The following AGMO variants were observed in gnomAD, a reference collection of about 807,000 sequenced individuals.
AGMO encodes alkylglycerol monooxygenase, also known as glyceryl-ether monooxygenase.
Under a neutral mutation model 60.2 loss-of-function variants are expected in AGMO, and 75 were observed. The ratio of observed to expected loss-of-function variants is 1.25; its 90% CI spans 1.03 to 1.51. The LOEUF (loss-of-function observed/expected upper bound fraction) is 1.51. Among genes scored for constraint, AGMO ranks in the 40% most tolerant of loss-of-function variants. AGMO has a pLI of 0.00. For synonymous variants in AGMO, 261 were observed against 177.1 expected (o/e 1.47, Z -3.76); for missense variants, 763 against 525.5 (o/e 1.45, Z -4.42).
chr7:15,288,475 ATTT>A (rs897333336), intron 12 of AGMO, among the ~76,000 whole-genome samples: 1 of 152,080 alleles, frequency 6.6e-6, no homozygotes, highest in Non-Finnish European at 1.5e-5. Context: ...TGAATCTTTT[ATTT>A]TTTGTTTCCC....
At chr7:15,139,706 T>C in the AGMO span, among the ~76,000 whole-genome samples, 5 of 151,828 alleles carry the variant, frequency 3.3e-5, no homozygotes. Flanking sequence ...CTGGGTCATT[T>C]GGTATATGCA....
chr7:15,407,232 CATAT>C (rs60144769), intron 5 of AGMO, among the ~76,000 whole-genome samples: 21 of 132,154 alleles, frequency 1.6e-4, no homozygotes, highest in African/African-American at 3.2e-4. Flanking sequence ...CTTTGGAATA[CATAT>C]ATATATATAT....
intron 2 of AGMO, among the ~76,000 whole-genome samples, chr7:15,550,477 A>G (rs1283231325): frequency 6.6e-6 from 1 of 152,208 alleles, no homozygotes; most frequent in East Asian, 1.9e-4. Flanking sequence ...AAAAATGATA[A>G]AGGGGATATC....
chr7:15,360,423 A>T (rs1782704135), intron 12 of AGMO, among the ~76,000 whole-genome samples: 1 of 152,236 alleles, frequency 6.6e-6, no homozygotes, highest in South Asian at 2.1e-4. Flanking sequence ...TAGTGGTAAC[A>T]TGAACAGACG....
chr7:15,502,118 A>T (rs1030617846), intron 3 of AGMO, among the ~76,000 whole-genome samples: 2 of 152,012 alleles, frequency 1.3e-5, no homozygotes, highest in East Asian at 3.9e-4. Context: ...CCTCATCTCC[A>T]AAGTGAGGGA....
At chr7:15,416,846 T>C (rs1456586652) in intron 5 of AGMO, among the ~76,000 whole-genome samples, 4 of 152,232 alleles carry the variant, frequency 2.6e-5, no homozygotes, top group African/African-American at 7.2e-5. Context: ...TAACTCTTAA[T>C]TGAAAAAAGC....
the AGMO span, among the ~76,000 whole-genome samples, chr7:15,118,986 G>A: frequency 5.6e-4 from 59 of 106,276 alleles, no homozygotes; most frequent in Non-Finnish European, 9.7e-4. Flanking sequence ...TTAAGCTATT[G>A]GGGTTTTTTT....
intron 3 of AGMO, among the ~76,000 whole-genome samples, chr7:15,451,040 C>T (rs890547433): frequency 6.7e-6 from 1 of 149,490 alleles, no homozygotes; most frequent in African/African-American, 2.5e-5. Context: ...AGAAAAATTG[C>T]CTATTGTCAC....
the AGMO span, among the ~76,000 whole-genome samples, chr7:15,168,066 G>C: frequency 4.2e-4 from 64 of 152,310 alleles, no homozygotes; most frequent in African/African-American, 1.4e-3. Context: ...TAAATGACCT[G>C]TTAGCCACAC....
At chr7:15,274,188 C>A (rs1384575481) in intron 12 of AGMO, among the ~76,000 whole-genome samples, 1 of 152,114 alleles carries the variant, frequency 6.6e-6, no homozygotes, top group Non-Finnish European at 1.5e-5. Context: ...AGAGGGCGTC[C>A]CTGTCTTGTG....
At chr7:15,281,897 A>G (rs564477413) in intron 12 of AGMO, among the ~76,000 whole-genome samples, 1 of 152,302 alleles carries the variant, frequency 6.6e-6, no homozygotes, top group Admixed American at 6.5e-5. Flanking sequence ...CTCATACACC[A>G]AACACATTGC....
At chr7:15,343,721 A>G (rs994929502) in intron 12 of AGMO, among the ~76,000 whole-genome samples, 1 of 152,138 alleles carries the variant, frequency 6.6e-6, no homozygotes, top group African/African-American at 2.4e-5. Context: ...TTTTGCTGTA[A>G]TATTAACCAC....
At chr7:15,198,152 T>TAGA (rs950223288), downstream of AGMO, among the ~76,000 whole-genome samples, 1 of 144,914 alleles carries the variant, frequency 6.9e-6, no homozygotes, top group Non-Finnish European at 1.5e-5. Context: ...ATCTCTCCGA[T>TAGA]AGAAGTGGTG....
chr7:15,396,420 C>T (rs1006840958), intron 5 of AGMO: 2 of 152,228 alleles, frequency 1.3e-5, no homozygotes, highest in East Asian at 1.9e-4. Context: ...GGTTCAGTAA[C>T]CTTGCTGGCT....
At position 15,390,720 on chromosome 7, in the gene AGMO, A is replaced by T; in HGVS notation, c.773T>A (p.Val258Glu). 6.2e-7 allele frequency: 1 copy of T among 1,611,692 alleles called. No homozygotes were observed. The highest frequency in any genetic ancestry group is 8.5e-7 in the Non-Finnish European group (1 of 1,178,492). ...ATTAATGGGATGTGTTAAGCCATATACAACTTTTTCATTTTCTGCTTCAAA... is the reference window on the plus strand; with the variant it reads ...ATTAATGGGATGTGTTAAGCCATATTCAACTTTTTCATTTTCTGCTTCAAA... The part of the protein sequence containing the change: ...GTFEAENEKV[V>E]YGLTHPINTF... The change falls in exon 8 of 13, where the codon GTA becomes GAA. Residue 258 changes from valine (V) to glutamate (E), a missense_variant. Val to Glu is a moderately radical substitution (Grantham distance 121). Transcript: ENST00000342526.
Position 15,510,221 on chromosome 7 carries a change from A to C in AGMO, c.409+34551T>G, listed in dbSNP as rs141252659. Among the ~76,000 whole-genome samples, 12 of 152,214 alleles carry C rather than the reference A, an allele frequency of 7.9e-5. No individual in the cohort carries two copies. The East Asian group carries it at 2.1e-3, about 27-fold the overall frequency. The stretch of plus-strand genomic sequence containing the variant: ...CACTCTGTCTCTCAGGCTGAAGCAC[A>C]ATGGTGTGAACATGTCTCACTGCAG... On this transcript the variant is annotated intron_variant, in intron 3 of 12. Coordinates refer to ENST00000342526, the MANE Select transcript of AGMO (RefSeq NM_001004320.2).
intron 12 of AGMO, among the ~76,000 whole-genome samples, chr7:15,352,986 G>A (rs1159113278): frequency 2.0e-5 from 3 of 152,072 alleles, no homozygotes; most frequent in South Asian, 2.1e-4. Context: ...AGTGTCGGAT[G>A]CGCAGGTCAT....
intron 5 of AGMO, among the ~76,000 whole-genome samples, chr7:15,413,739 A>C (rs1780678620): frequency 6.6e-6 from 1 of 152,180 alleles, no homozygotes; most frequent in African/African-American, 2.4e-5. Context: ...TCTTTCAAAA[A>C]TTAAGGAAAA....
At chr7:15,261,324 C>T (rs1783265964) in intron 12 of AGMO, among the ~76,000 whole-genome samples, 1 of 152,002 alleles carries the variant, frequency 6.6e-6, no homozygotes, top group African/African-American at 2.4e-5. Context: ...GGAGATACTA[C>T]AAGTGATACC....
Sources: gnomAD v4.1 joint callset for allele counts (sites outside exome capture counted in the v4.1 genomes callset) on GRCh38, gnomAD v4.1.1 for gene constraint, MANE v1.5 for transcripts, NCBI Gene and HGNC (gene_info 2026-07-23, HGNC 2026-07-21) for gene names.